Variants in TBC1D16 observed in about 807,000 individuals in gnomAD.
TBC1D16 encodes the protein CTD-2529O21.1.
TBC1D16 carries 58 observed loss-of-function variants against 74.7 expected under a neutral mutation model. The ratio of observed to expected loss-of-function variants is 0.78; its 90% CI spans 0.63 to 0.97. The LOEUF is 0.97. Among genes scored for constraint, TBC1D16 ranks in the 50% least tolerant of loss-of-function variants. The pLI is 0.00. For missense variants in TBC1D16, 1,014 were observed against 1,079.5 expected, an observed-to-expected ratio of 0.94 and a Z score of 0.85; for synonymous variants, 493 against 474.7, an observed-to-expected ratio of 1.04 and a Z score of -0.50.
rs1005427820 is a variant in TBC1D16 at position 79,994,504 on chromosome 17, A to T, written c.779+15656T>A. Among the ~76,000 whole-genome samples, 3 of 152,126 alleles carry T rather than the reference A, an allele frequency of 2.0e-5. No homozygotes were observed. The highest frequency in any genetic ancestry group is 4.4e-5 in the Non-Finnish European group (3 of 68,014). ...AATGGCGTGATCACAGCTCACTGCAACCTCTGCCTCCTGGGTTCAAGCAAT... is the reference window on the plus strand; with the variant it reads ...AATGGCGTGATCACAGCTCACTGCATCCTCTGCCTCCTGGGTTCAAGCAAT... On this transcript the variant is annotated intron_variant, in intron 3 of 11. Transcript: ENST00000310924. This position sits in a 1 kb window ranked among gnomAD's most constrained non-coding sequence, Gnocchi z 4.6.
At chr17:79,997,852 C>T (rs932553843) in intron 3 of TBC1D16, among the ~76,000 whole-genome samples, 1 of 152,040 alleles carries the variant, frequency 6.6e-6, no homozygotes, top group African/African-American at 2.4e-5. Context: ...CAGCCGGGCG[C>T]GGTGGCTCAC....
At chr17:79,999,025 G>T (rs1032252918) in intron 3 of TBC1D16, among the ~76,000 whole-genome samples, 4 of 152,196 alleles carry the variant, frequency 2.6e-5, no homozygotes, top group African/African-American at 9.6e-5. Context: ...GGAGGCCGAG[G>T]CGGGGGGATT....
At chr17:79,948,827 T>C (rs779936233) in intron 8 of TBC1D16, 45 bp downstream of exon 8, 24 of 1,612,716 alleles carry the variant, frequency 1.5e-5, no homozygotes, top group Non-Finnish European at 2.0e-5. Flanking sequence ...CAGGTGAGGC[T>C]TGCAGACTTG....
intron 3 of TBC1D16, among the ~76,000 whole-genome samples, chr17:79,997,213 C>G (rs572826784): frequency 7.5e-4 from 114 of 152,302 alleles, no homozygotes; most frequent in African/African-American, 2.5e-3. Context: ...CACACAAGCA[C>G]AGATGGGTGC....
In TBC1D16 at chr17:79,963,550, C is replaced by T. The variant is rs116292193; in HGVS notation, c.780-10732G>A. 6.2e-3 allele frequency among the ~76,000 whole-genome samples: 947 copies of T among 152,258 alleles called. 9 individuals are homozygous for T. Among genetic ancestry groups the T allele is most frequent in the African/African-American group, 0.022 (897 of 41,554 alleles). On this transcript the variant is annotated intron_variant, in intron 3 of 11. Coordinates refer to ENST00000310924, the MANE Select transcript of TBC1D16 (RefSeq NM_019020.4). ...AATAATGCTGTGAAGCCATGGTGTCCAGATATCTCTGTGTCTCTGCTTTCA... is the reference window on the plus strand; with the variant it reads ...AATAATGCTGTGAAGCCATGGTGTCTAGATATCTCTGTGTCTCTGCTTTCA...
chr17:79,946,117 T>G (rs1355693535), intron 9 of TBC1D16, among the ~76,000 whole-genome samples: 1 of 152,224 alleles, frequency 6.6e-6, no homozygotes, highest in Non-Finnish European at 1.5e-5. Flanking sequence ...TCCCAGCCTG[T>G]CATCAGCGAC....
chr17:79,984,580 G>T (rs1298353487), intron 3 of TBC1D16, among the ~76,000 whole-genome samples: 1 of 124,236 alleles, frequency 8.0e-6, no homozygotes, highest in Admixed American at 9.3e-5. Flanking sequence ...GAGAAAGAAA[G>T]AAAAAGAAAG....
chr17:79,984,718 A>C (rs1007641385), intron 3 of TBC1D16, among the ~76,000 whole-genome samples: 11 of 148,154 alleles, frequency 7.4e-5, no homozygotes, highest in East Asian at 5.9e-4. Context: ...AAAAAAAAAA[A>C]CAGTTAAAAA....
chr17:80,005,554 C>A (rs12450929), intron 3 of TBC1D16, among the ~76,000 whole-genome samples: 16,424 of 152,312 alleles, frequency 0.11, 1,189 homozygotes, highest in Admixed American at 0.18. Flanking sequence ...GGCTCACCCC[C>A]GGCTCGGGGA....
intron 9 of TBC1D16, among the ~76,000 whole-genome samples, chr17:79,945,791 C>T (rs556180806): frequency 1.3e-5 from 2 of 152,388 alleles, no homozygotes; most frequent in Admixed American, 6.5e-5. Flanking sequence ...ACGTCACACA[C>T]ACCCGTTGAT....
intron 1 of TBC1D16, among the ~76,000 whole-genome samples, chr17:80,027,911 AAAGAG>A (rs2036639238): frequency 6.6e-6 from 1 of 151,550 alleles, no homozygotes; most frequent in South Asian, 2.1e-4. Context: ...AAAAAAAAAA[AAAGAG>A]AAGCAGCTAA....
Position 79,990,410 on chromosome 17 carries a change from C to T in TBC1D16, c.779+19750G>A, listed in dbSNP as rs1423050843. 6.6e-6 allele frequency among the ~76,000 whole-genome samples: 1 copy of T among 152,232 alleles called. No individual in the cohort carries two copies. Among genetic ancestry groups the T allele is most frequent in the Non-Finnish European group, 1.5e-5 (1 of 68,040 alleles). On this transcript the variant is annotated intron_variant, in intron 3 of 11. Transcript: ENST00000310924. This position sits in a 1 kb window ranked among gnomAD's most constrained non-coding sequence, Gnocchi z 4.8. ...GGTGAGCCTGGGCAGCCACCTCCCA[C>T]GTGATTTCCCAATGCTTGAAGTTCA...
Position 79,979,477 on chromosome 17 carries a change from G to A in TBC1D16, c.780-26659C>T, listed in dbSNP as rs1250729188. Reference sequence around the variant, plus strand: ...GAGAGGCCTGAAGCGGGAGGCGGGAGGACCGCATAGCTGCAAATGCATCTG... The same window carrying A: ...GAGAGGCCTGAAGCGGGAGGCGGGAAGACCGCATAGCTGCAAATGCATCTG... On this transcript the variant is annotated intron_variant, in intron 3 of 11. Transcript: ENST00000310924. This position sits in a 1 kb window ranked among gnomAD's most constrained non-coding sequence, Gnocchi z 4.8. Among the ~76,000 whole-genome samples, 1 of 152,182 alleles carries A rather than the reference G, an allele frequency of 6.6e-6. No individual in the cohort carries two copies. Among genetic ancestry groups the A allele is most frequent in the East Asian group, 1.9e-4 (1 of 5,174 alleles).
intron 1 of TBC1D16, among the ~76,000 whole-genome samples, chr17:80,015,588 C>T (rs553961579): frequency 6.6e-6 from 1 of 152,310 alleles, no homozygotes; most frequent in South Asian, 2.1e-4. Flanking sequence ...TGGGAGACGA[C>T]AGCCACAGAG....
intron 3 of TBC1D16, among the ~76,000 whole-genome samples, chr17:79,965,271 A>G (rs1384134125): frequency 2.6e-5 from 4 of 152,020 alleles, no homozygotes; most frequent in African/African-American, 7.2e-5. Flanking sequence ...TAGTAGAGAC[A>G]GGGTTTCACC....
At chr17:79,982,681 C>T (rs1436955544) in intron 3 of TBC1D16, among the ~76,000 whole-genome samples, 5 of 150,702 alleles carry the variant, frequency 3.3e-5, no homozygotes, top group Admixed American at 2.0e-4. Flanking sequence ...GGGGAAACTC[C>T]GCATCTACTA....
At chr17:80,030,053 A>T (rs2036721890) in intron 1 of TBC1D16, among the ~76,000 whole-genome samples, 1 of 151,944 alleles carries the variant, frequency 6.6e-6, no homozygotes, top group African/African-American at 2.4e-5. Flanking sequence ...CATCAGGCCC[A>T]CTCATATAAC....
In TBC1D16 at chr17:79,988,744, T is replaced by A. The variant is rs2034944998; in HGVS notation, c.779+21416A>T. Among the ~76,000 whole-genome samples the A allele has an allele frequency of 1.3e-5, 2 of 152,152 alleles. No individual in the cohort carries two copies. Among genetic ancestry groups the A allele is most frequent in the African/African-American group, 4.8e-5 (2 of 41,444 alleles). ...TGGCAGTCAACCTCAAAGCAAAACT[T>A]AGAAGGCCCCTGCTTGTTTTATCAG... On this transcript the variant is annotated intron_variant, in intron 3 of 11. Coordinates refer to ENST00000310924, the MANE Select transcript of TBC1D16 (RefSeq NM_019020.4). The surrounding 1 kb of genome is among the most constrained non-coding windows in gnomAD (Gnocchi z 5.7).
chr17:79,966,504 C>A (rs1229201413), intron 3 of TBC1D16, among the ~76,000 whole-genome samples: 4 of 151,842 alleles, frequency 2.6e-5, no homozygotes, highest in African/African-American at 9.7e-5. Flanking sequence ...GCCTGCTCTG[C>A]CTCTCTCTCT....
Sources: allele counts gnomAD v4.1 joint callset (sites outside exome capture counted in the v4.1 genomes callset), GRCh38; gene constraint gnomAD v4.1.1; non-coding constraint Gnocchi (gnomAD v3.1); transcripts MANE v1.5; gene names NCBI Gene and HGNC (gene_info 2026-07-23, HGNC 2026-07-21).